The following NEK11 variants were observed in gnomAD, a reference collection of about 807,000 sequenced individuals.
The protein encoded by NEK11 is serine/threonine-protein kinase Nek11.
In NEK11, 72 loss-of-function variants were observed where a neutral mutation model predicts 80.7. The ratio of observed to expected loss-of-function variants is 0.89; its 90% CI spans 0.74 to 1.08. The LOEUF is 1.08. Ranked by LOEUF, NEK11 falls within the 50% of genes least tolerant of loss-of-function variation. The pLI, the probability that NEK11 is intolerant of heterozygous loss-of-function variation, is 0.00. For synonymous variants in NEK11, 251 were observed against 260.7 expected (o/e 0.96, Z 0.36); for missense variants, 764 against 763.6 (o/e 1.00, Z -0.01).
At position 131,300,716 on chromosome 3, in the gene NEK11, C is replaced by T. The variant is rs563950256; in HGVS notation, c.1718+27142C>T. On this transcript the variant is annotated intron_variant, in intron 17 of 17. Coordinates refer to ENST00000383366, the MANE Select transcript of NEK11 (RefSeq NM_024800.5). ...GTGTGTGACTTCATTCCTGGGCTCT[C>T]TGTTCTGTTCCATTGTTCTGTGTGT... Among the ~76,000 whole-genome samples, 107 of 152,230 alleles carry T rather than the reference C, an allele frequency of 7.0e-4. 1 individual carries two copies. Among genetic ancestry groups the T allele is most frequent in the African/African-American group, 2.5e-3 (104 of 41,546 alleles).
intron 14 of NEK11, among the ~76,000 whole-genome samples, chr3:131,214,810 A>G (rs960214075): frequency 6.6e-6 from 1 of 151,992 alleles, no homozygotes; most frequent in Non-Finnish European, 1.5e-5. Flanking sequence ...CTGCTGTCCT[A>G]TATATAAAAA....
intron 7 of NEK11, among the ~76,000 whole-genome samples, chr3:131,145,443 T>G (rs1271356622): frequency 1.3e-5 from 2 of 152,142 alleles, no homozygotes; most frequent in African/African-American, 4.8e-5. Context: ...AAAGCCAAAC[T>G]TGTCTGCCTT....
intron 14 of NEK11, among the ~76,000 whole-genome samples, chr3:131,173,605 G>A (rs1234467157): frequency 6.6e-6 from 1 of 151,178 alleles, no homozygotes; most frequent in South Asian, 2.1e-4. Flanking sequence ...GTTTTCGGTG[G>A]TGGTAGGTAG....
intron 5 of NEK11, among the ~76,000 whole-genome samples, chr3:131,127,562 G>GC (rs2083585755): frequency 6.6e-6 from 1 of 151,558 alleles, no homozygotes; most frequent in Non-Finnish European, 1.5e-5. Context: ...ATTTTCTTGA[G>GC]CAATAATCAC....
intron 5 of NEK11, among the ~76,000 whole-genome samples, chr3:131,115,992 T>TTCTCTTTCTTTC (rs1553878713): frequency 3.2e-5 from 4 of 123,190 alleles, no homozygotes; most frequent in African/African-American, 3.0e-5. Context: ...CTTTCTTTAT[T>TTCTCTTTCTTTC]ATACTTTAAG....
At chr3:131,142,202 A>T (rs2087068022) in intron 7 of NEK11, among the ~76,000 whole-genome samples, 1 of 152,120 alleles carries the variant, frequency 6.6e-6, no homozygotes, top group Admixed American at 6.6e-5. Flanking sequence ...CTTCATATCC[A>T]CCCATATTCC....
intron 3 of NEK11, among the ~76,000 whole-genome samples, chr3:131,074,637 T>C (rs1462585339): frequency 6.6e-6 from 1 of 152,212 alleles, no homozygotes; most frequent in Admixed American, 6.5e-5. Context: ...TATTGACTTA[T>C]ACAGGGCAAA....
intron 5 of NEK11, among the ~76,000 whole-genome samples, chr3:131,111,019 C>T (rs2080046110): frequency 1.3e-5 from 2 of 152,096 alleles, no homozygotes; most frequent in South Asian, 4.1e-4. Flanking sequence ...CTTCTGTGTA[C>T]ATACATTTAT....
At chr3:131,044,683 A>C (rs983056967) in intron 3 of NEK11, among the ~76,000 whole-genome samples, 1 of 152,102 alleles carries the variant, frequency 6.6e-6, no homozygotes, top group South Asian at 2.1e-4. Flanking sequence ...GGAGACTTTG[A>C]TGCCCCACTG....
chr3:131,200,790 T>A (rs1272395092), intron 14 of NEK11, among the ~76,000 whole-genome samples: 1 of 152,190 alleles, frequency 6.6e-6, no homozygotes, highest in Non-Finnish European at 1.5e-5. Flanking sequence ...TGAGCTCCCA[T>A]CTTTTTGGCT....
intron 7 of NEK11, among the ~76,000 whole-genome samples, chr3:131,141,977 T>C (rs1164708213): frequency 6.6e-6 from 1 of 152,176 alleles, no homozygotes; most frequent in Non-Finnish European, 1.5e-5. Flanking sequence ...AACAAAGAAC[T>C]CCAAAAAATC....
At chr3:131,263,478 T>C (rs989425430) in intron 16 of NEK11, among the ~76,000 whole-genome samples, 3 of 152,170 alleles carry the variant, frequency 2.0e-5, no homozygotes, top group African/African-American at 7.2e-5. Context: ...AGCCTTGTAG[T>C]ATAGTTTGAA....
At position 131,117,398 on chromosome 3, in the gene NEK11, G is replaced by C. The variant is rs1410231347; in HGVS notation, c.455+7477G>C. On this transcript the variant is annotated intron_variant, in intron 5 of 17. Coordinates refer to ENST00000383366, the MANE Select transcript of NEK11 (RefSeq NM_024800.5). ...CTGTAGCCTTGTAGTATAGTTTGAA[G>C]TCAGGTTGTGTGATGCCTCGAGCTT... Among the ~76,000 whole-genome samples the C allele has an allele frequency of 2.0e-5, 3 of 152,202 alleles. No homozygotes were observed. In the East Asian group the frequency reaches 5.8e-4, roughly 29 times the overall value.
chr3:131,174,853 C>A, intron 14 of NEK11: 1 of 1,572,914 alleles, frequency 6.4e-7, no homozygotes, highest in Non-Finnish European at 8.6e-7. Flanking sequence ...AGGAGCATGA[C>A]TCCCTACCCC....
Position 131,029,679 on chromosome 3 carries a change from G to T in NEK11, c.-30G>T. The T allele has an allele frequency of 6.2e-7, 1 of 1,603,696 alleles. No individual in the cohort carries two copies. The highest frequency in any genetic ancestry group is 1.1e-5 in the South Asian group (1 of 90,312). On this transcript the variant is annotated 5_prime_UTR_variant, in exon 3 of 18. The change abolishes an upstream ATG in the 5' untranslated region. Coordinates refer to ENST00000383366, the MANE Select transcript of NEK11 (RefSeq NM_024800.5). ...ACTGGAATGTTAAGTTTCTATAAAT[G>T]AATGAACCAGTTCTCTCTTGTTTGG...
At chr3:131,071,855 A>T (rs1424162673) in intron 3 of NEK11, among the ~76,000 whole-genome samples, 1 of 152,164 alleles carries the variant, frequency 6.6e-6, no homozygotes, top group African/African-American at 2.4e-5. Context: ...TAGACTCATT[A>T]ACTGCTTTCT....
chr3:131,171,742 T>A (rs576675934), intron 14 of NEK11, among the ~76,000 whole-genome samples: 45 of 152,332 alleles, frequency 3.0e-4, no homozygotes, highest in Middle Eastern at 3.4e-3. Context: ...TATGACACTT[T>A]GAGCAGAGGA....
At chr3:131,214,351 A>G (rs1341654131) in intron 14 of NEK11, among the ~76,000 whole-genome samples, 15 of 152,180 alleles carry the variant, frequency 9.9e-5, no homozygotes, top group Admixed American at 6.5e-5. Flanking sequence ...CCAGTTGCCT[A>G]AAGTCATAGA....
intron 3 of NEK11, among the ~76,000 whole-genome samples, chr3:131,072,671 A>G (rs1239252264): frequency 2.6e-5 from 4 of 152,206 alleles, no homozygotes; most frequent in Admixed American, 2.6e-4. Context: ...CCTTGGTTGT[A>G]AAGAGAACTT....
Sources: allele counts gnomAD v4.1 joint callset (sites outside exome capture counted in the v4.1 genomes callset), GRCh38; gene constraint gnomAD v4.1.1; transcripts MANE v1.5; gene names NCBI Gene and HGNC (gene_info 2026-07-23, HGNC 2026-07-21).